IL1RAPL2: variants seen among roughly 807,000 people sequenced by gnomAD.
IL1RAPL2 encodes the protein interleukin 1 receptor accessory protein like 2.
IL1RAPL2 carries 3 observed loss-of-function variants against 44.1 expected under a neutral mutation model. The ratio of observed to expected loss-of-function variants is 0.07; its 90% CI spans 0.03 to 0.18. The LOEUF (loss-of-function observed/expected upper bound fraction) is 0.18, where lower values mean the gene tolerates loss of function less well. IL1RAPL2 is among the 10% of genes least tolerant of loss of function. The pLI is 1.00. For missense variants in IL1RAPL2, 391 were observed against 496.4 expected, an observed-to-expected ratio of 0.79 and a Z score of 2.02; for synonymous variants, 181 against 178.8, an observed-to-expected ratio of 1.01 and a Z score of -0.10.
At chrX:104,988,997 T>C (rs1370733583) in intron 2 of IL1RAPL2, among the ~76,000 whole-genome samples, 1 of 111,895 alleles carries the variant, frequency 8.9e-6, no homozygotes, top group Non-Finnish European at 1.9e-5. Context: ...ATATGGATAC[T>C]TCATCTCAGC....
chrX:105,139,943 A>G (rs1349587382), intron 2 of IL1RAPL2, among the ~76,000 whole-genome samples: 5 of 112,159 alleles, frequency 4.5e-5, no homozygotes, highest in African/African-American at 1.6e-4. Flanking sequence ...GACAGATGTC[A>G]TCTAACACAG....
chrX:105,103,849 C>CTGT (rs1305942774), intron 2 of IL1RAPL2, among the ~76,000 whole-genome samples: 5 of 111,798 alleles, frequency 4.5e-5, no homozygotes, highest in Non-Finnish European at 9.4e-5. Context: ...ATTATTTCTG[C>CTGT]TGTGCTGAGG....
intron 5 of IL1RAPL2, among the ~76,000 whole-genome samples, chrX:105,397,087 A>G (rs2035569111): frequency 9.0e-6 from 1 of 110,794 alleles, no homozygotes; most frequent in Non-Finnish European, 1.9e-5. Context: ...ATGAGAATCT[A>G]ATGCCTGATG....
At chrX:105,644,374 C>G (rs2037590659) in intron 6 of IL1RAPL2, among the ~76,000 whole-genome samples, 1 of 110,914 alleles carries the variant, frequency 9.0e-6, no homozygotes, top group Non-Finnish European at 1.9e-5. Flanking sequence ...TCAAGATTTC[C>G]TTTTCTCCCA....
chrX:104,822,556 T>C lies in IL1RAPL2; in HGVS notation c.82+163561T>C, dbSNP rs1481211739. ...TCAGGTTTGTCAAAGATCAGGTGGT[T>C]GTAGATGTGTGGTGTTATTTCTGAG... On this transcript the variant is annotated intron_variant, in intron 2 of 10. Coordinates refer to ENST00000372582, the MANE Select transcript of IL1RAPL2 (RefSeq NM_017416.2). Among the ~76,000 whole-genome samples, 4 of 111,849 alleles carry C rather than the reference T, an allele frequency of 3.6e-5. No individual in the cohort carries two copies. In the Admixed American group the frequency reaches 3.8e-4, roughly 11 times the overall value.
chrX:105,075,842 G>A (rs144476114), intron 2 of IL1RAPL2, among the ~76,000 whole-genome samples: 273 of 111,335 alleles, frequency 2.5e-3, no homozygotes, highest in African/African-American at 7.4e-3. Context: ...AGGTGTTTAT[G>A]GTATTCTCTG....
chrX:104,946,215 A>G (rs1234047250), intron 2 of IL1RAPL2, among the ~76,000 whole-genome samples: 3 of 100,237 alleles, frequency 3.0e-5, no homozygotes, highest in African/African-American at 1.1e-4. Context: ...TACTAAAAAT[A>G]CAAAAAAATT....
chrX:105,607,566 G>A (rs964113698), intron 6 of IL1RAPL2, among the ~76,000 whole-genome samples: 50 of 90,280 alleles, frequency 5.5e-4, no homozygotes, highest in African/African-American at 1.9e-3. Flanking sequence ...GCTTATGAGC[G>A]TCAGATAGTT....
intron 2 of IL1RAPL2, among the ~76,000 whole-genome samples, chrX:105,130,183 T>TA (rs2033013588): frequency 9.0e-6 from 1 of 111,345 alleles, no homozygotes; most frequent in Non-Finnish European, 1.9e-5. Flanking sequence ...AATGTTTGAC[T>TA]AAAAAATCCA....
chrX:105,643,574 G>T (rs961300726), intron 6 of IL1RAPL2, among the ~76,000 whole-genome samples: 3 of 112,253 alleles, frequency 2.7e-5, no homozygotes, highest in Non-Finnish European at 3.8e-5. Flanking sequence ...TTGGCCCTCT[G>T]CTTCTTTGCA....
At chrX:104,759,860 G>A (rs1361594778) in intron 2 of IL1RAPL2, among the ~76,000 whole-genome samples, 2 of 111,375 alleles carry the variant, frequency 1.8e-5, no homozygotes, top group East Asian at 5.7e-4. Flanking sequence ...ATTGACTATA[G>A]TAATACTGTT....
chrX:104,697,667 T>G (rs1312007556), intron 2 of IL1RAPL2, among the ~76,000 whole-genome samples: 1 of 110,862 alleles, frequency 9.0e-6, no homozygotes, highest in African/African-American at 3.3e-5. Context: ...TAGTCTAGGG[T>G]GAGATGCAGC....
chrX:105,158,239 C>A (rs1285142261), intron 2 of IL1RAPL2, among the ~76,000 whole-genome samples: 12 of 111,381 alleles, frequency 1.1e-4, no homozygotes, highest in Non-Finnish European at 1.9e-5. Flanking sequence ...CGCCTGTAGT[C>A]CCAGCTACTC....
Position 104,952,381 on chromosome X carries a change from G to A in IL1RAPL2, c.83-243094G>A, listed in dbSNP as rs973485615. 1.1e-4 allele frequency among the ~76,000 whole-genome samples: 12 copies of A among 111,889 alleles called. No individual in the cohort carries two copies. The South Asian group carries it at 1.1e-3, about 10-fold the overall frequency. On this transcript the variant is annotated intron_variant, in intron 2 of 10. Transcript: ENST00000372582. ...AAATAGCATGCCTCAAGCATCTATA[G>A]GTTTATTGGGCAGTCTCTGTGTATT...
At chrX:104,729,755 G>A (rs1378224956) in intron 2 of IL1RAPL2, among the ~76,000 whole-genome samples, 1 of 110,192 alleles carries the variant, frequency 9.1e-6, no homozygotes, top group African/African-American at 3.3e-5. Context: ...GAGAACATGT[G>A]GTATTTGGTT....
rs938289270 is a variant in IL1RAPL2, at chrX:105,006,586, T to A, written c.83-188889T>A. On this transcript the variant is annotated intron_variant, in intron 2 of 10. Transcript: ENST00000372582. Reference sequence around the variant, plus strand: ...AAGATGCGAATGACTAATCCTAGAGTTCTGAGCTCTACTGAAGAAATCAAA... The same window carrying A: ...AAGATGCGAATGACTAATCCTAGAGATCTGAGCTCTACTGAAGAAATCAAA... Among the ~76,000 whole-genome samples, 4 of 110,773 alleles carry A rather than the reference T, an allele frequency of 3.6e-5. 1 individual carries two copies. The South Asian group carries it at 1.5e-3, about 42-fold the overall frequency.
At chrX:104,642,425 G>A (rs1028574018) in intron 1 of IL1RAPL2, among the ~76,000 whole-genome samples, 3 of 111,318 alleles carry the variant, frequency 2.7e-5, no homozygotes, top group Non-Finnish European at 5.7e-5. Flanking sequence ...TTCAACTTTG[G>A]TAGTGTAAGT....
intron 1 of IL1RAPL2, among the ~76,000 whole-genome samples, chrX:104,579,792 G>A (rs779385200): frequency 8.9e-6 from 1 of 111,865 alleles, no homozygotes; most frequent in South Asian, 3.7e-4. Flanking sequence ...CCAAAGTGAG[G>A]AGGACTATTT....
intron 1 of IL1RAPL2, among the ~76,000 whole-genome samples, chrX:104,644,122 T>C (rs1929988994): frequency 1.8e-5 from 2 of 111,702 alleles, no homozygotes; most frequent in African/African-American, 6.5e-5. Flanking sequence ...CTTTAAGTTT[T>C]AGGGTACATG....
Sources: gnomAD v4.1 joint callset for allele counts (sites outside exome capture counted in the v4.1 genomes callset) on GRCh38, gnomAD v4.1.1 for gene constraint, MANE v1.5 for transcripts, NCBI Gene and HGNC (gene_info 2026-07-23, HGNC 2026-07-21) for gene names.